The following FSTL4 variants were observed in gnomAD, a reference collection of about 807,000 sequenced individuals.
FSTL4 encodes the protein follistatin-related protein 4.
Under a neutral mutation model 78.2 loss-of-function variants are expected in FSTL4, and 28 were observed. The ratio of observed to expected loss-of-function variants is 0.36; its 90% CI spans 0.27 to 0.49. The LOEUF is 0.49. FSTL4 is among the 20% of genes least tolerant of loss of function. The pLI, the probability that FSTL4 is intolerant of heterozygous loss-of-function variation, is 0.98. For synonymous variants in FSTL4, 422 were observed against 440.5 expected (o/e 0.96, Z 0.53); for missense variants, 922 against 1,084.9 (o/e 0.85, Z 2.11).
the FSTL4 span, among the ~76,000 whole-genome samples, chr5:133,618,159 TAAC>T: frequency 8.5e-5 from 13 of 152,318 alleles, no homozygotes; most frequent in East Asian, 5.8e-4. Context: ...AGTAGGAGAT[TAAC>T]AACAACAATA....
chr5:133,365,285 G>A (rs1200083980), intron 4 of FSTL4, among the ~76,000 whole-genome samples: 1 of 151,984 alleles, frequency 6.6e-6, no homozygotes, highest in East Asian at 1.9e-4. Context: ...AAGAACACAA[G>A]ATATCCTGAA....
chr5:133,325,364 C>A (rs532958951), intron 4 of FSTL4, among the ~76,000 whole-genome samples: 1 of 152,160 alleles, frequency 6.6e-6, no homozygotes, highest in African/African-American at 2.4e-5. Context: ...GGGGAATCCC[C>A]AGGCCACTAT....
intron 4 of FSTL4, among the ~76,000 whole-genome samples, chr5:133,381,583 G>A (rs899272249): frequency 6.6e-6 from 1 of 152,234 alleles, no homozygotes; most frequent in Non-Finnish European, 1.5e-5. Context: ...GGGCACGAGA[G>A]AGGGAGCATT....
chr5:133,818,658 A>G, the FSTL4 span, among the ~76,000 whole-genome samples: 1 of 151,816 alleles, frequency 6.6e-6, no homozygotes, highest in Non-Finnish European at 1.5e-5. Flanking sequence ...TAGCTGCATA[A>G]TCTTCCAAAC....
chr5:133,565,705 G>C (rs529469340), intron 3 of FSTL4, among the ~76,000 whole-genome samples: 73 of 152,250 alleles, frequency 4.8e-4, no homozygotes, highest in African/African-American at 1.7e-3. Flanking sequence ...AGTTCACTCA[G>C]ACCTTTTTCA....
At chr5:133,591,237 G>A (rs571823866) in intron 2 of FSTL4, among the ~76,000 whole-genome samples, 12 of 152,290 alleles carry the variant, frequency 7.9e-5, no homozygotes, top group East Asian at 1.9e-4. Flanking sequence ...CAGACAGGCC[G>A]GGTTGGTGAG....
intron 6 of FSTL4, among the ~76,000 whole-genome samples, chr5:133,279,489 G>A (rs567608448): frequency 6.6e-6 from 1 of 152,334 alleles, no homozygotes; most frequent in Non-Finnish European, 1.5e-5. Flanking sequence ...TTAGACTGTT[G>A]CCAACAGGTG....
intron 3 of FSTL4, among the ~76,000 whole-genome samples, chr5:133,448,741 G>T (rs542463756): frequency 0.28 from 35,465 of 127,484 alleles, 6,045 homozygotes; most frequent in East Asian, 0.43. Context: ...TGCGGGGGCG[G>T]GGGGGGGGGG....
chr5:133,530,329 G>A (rs1199702549), intron 3 of FSTL4, among the ~76,000 whole-genome samples: 4 of 152,176 alleles, frequency 2.6e-5, no homozygotes, highest in Non-Finnish European at 5.9e-5. Flanking sequence ...CACTCATGCT[G>A]GAATTCAAGG....
rs892777408 is a variant in FSTL4 at position 133,612,060 on chromosome 5, G to T, written c.-11+265C>A. 2.0e-5 allele frequency among the ~76,000 whole-genome samples: 3 copies of T among 151,998 alleles called. No individual in the cohort carries two copies. Among genetic ancestry groups the T allele is most frequent in the Non-Finnish European group, 4.4e-5 (3 of 67,958 alleles). On this transcript the variant is annotated intron_variant, in intron 1 of 15. Transcript: ENST00000265342. This position sits in a 1 kb window ranked among gnomAD's most constrained non-coding sequence, Gnocchi z 6.2. ...GGTCCCCACCGTAGACCCCGGCCAC[G>T]AGCCTCGGCGTCCCAGCCTCTCCTC...
intron 2 of FSTL4, chr5:133,583,170 T>C: frequency 1.6e-5 from 7 of 440,326 alleles, no homozygotes; most frequent in South Asian, 1.1e-4. Flanking sequence ...CACCAGCACA[T>C]TCCCACTGGG....
At chr5:133,598,554 TTGTACC>T (rs1332442526) in intron 2 of FSTL4, among the ~76,000 whole-genome samples, 2 of 152,044 alleles carry the variant, frequency 1.3e-5, no homozygotes, top group African/African-American at 2.4e-5. Context: ...GCCCTCCCAG[TTGTACC>T]TGAAAAACGA....
the FSTL4 span, among the ~76,000 whole-genome samples, chr5:133,697,089 T>G: frequency 6.6e-6 from 1 of 152,222 alleles, no homozygotes; most frequent in Admixed American, 6.5e-5. Context: ...ATGGCAACTG[T>G]GGGCACATCT....
intron 3 of FSTL4, among the ~76,000 whole-genome samples, chr5:133,483,412 C>T (rs1758068655): frequency 2.0e-5 from 3 of 152,218 alleles, no homozygotes; most frequent in Non-Finnish European, 4.4e-5. Flanking sequence ...TGTGTGTGGA[C>T]TGCAGAAGCC....
At chr5:133,764,802 A>G in the FSTL4 span, among the ~76,000 whole-genome samples, 2 of 152,210 alleles carry the variant, frequency 1.3e-5, no homozygotes, top group Non-Finnish European at 2.9e-5. Context: ...GAATCTTCAG[A>G]TCTTGACTTT....
chr5:133,561,724 G>A (rs1759918080), intron 3 of FSTL4, among the ~76,000 whole-genome samples: 1 of 152,188 alleles, frequency 6.6e-6, no homozygotes, highest in Admixed American at 6.5e-5. Context: ...AATTGGGACT[G>A]ATGGTTTGTA....
intron 14 of FSTL4, among the ~76,000 whole-genome samples, chr5:133,209,283 T>C (rs1750626544): frequency 6.6e-6 from 1 of 152,142 alleles, no homozygotes; most frequent in African/African-American, 2.4e-5. Context: ...GGTCAGTCCC[T>C]AGAAGGAAGC....
At chr5:133,301,323 AT>A (rs1753532990) in intron 6 of FSTL4, among the ~76,000 whole-genome samples, 1 of 152,052 alleles carries the variant, frequency 6.6e-6, no homozygotes, top group African/African-American at 2.4e-5. Flanking sequence ...TGGTTTCCTT[AT>A]TTTTGGAACT....
chr5:133,702,866 C>T, the FSTL4 span, among the ~76,000 whole-genome samples: 1 of 152,304 alleles, frequency 6.6e-6, no homozygotes, highest in Admixed American at 6.5e-5. Context: ...GCTTCCTCCA[C>T]AGGTGCCAGG....
Sources: allele counts gnomAD v4.1 joint callset (sites outside exome capture counted in the v4.1 genomes callset), GRCh38; gene constraint gnomAD v4.1.1; non-coding constraint Gnocchi (gnomAD v3.1); transcripts MANE v1.5; gene names NCBI Gene and HGNC (gene_info 2026-07-23, HGNC 2026-07-21).